Variants in GGA1 observed in about 807,000 individuals in gnomAD.
GGA1 encodes ADP-ribosylation factor-binding protein GGA1.
GGA1 carries 18 observed loss-of-function variants against 76.9 expected under a neutral mutation model. The ratio of observed to expected loss-of-function variants is 0.23; its 90% CI spans 0.16 to 0.35. The LOEUF is 0.35. GGA1 is among the 10% of genes least tolerant of loss of function. GGA1 has a pLI of 1.00. For synonymous variants in GGA1, 342 were observed against 354.7 expected, an observed-to-expected ratio of 0.96 and a Z score of 0.40; for missense variants, 755 against 859.0, an observed-to-expected ratio of 0.88 and a Z score of 1.51.
At chr22:37,617,799 T>C in intron 3 of GGA1, 1 of 962,736 alleles carries the variant, frequency 1.0e-6, no homozygotes, top group South Asian at 4.8e-5. Flanking sequence ...AAGGCCAAGG[T>C]AGGTGTTGCC....
At chr22:37,619,923 C>T (rs1230280456) in intron 4 of GGA1, 3 of 691,786 alleles carry the variant, frequency 4.3e-6, no homozygotes, top group Non-Finnish European at 5.3e-6. Flanking sequence ...TCTGGCTCCT[C>T]TTTCCTGGGA....
At chr22:37,629,002 C>T (rs772067456) in intron 11 of GGA1, among the ~76,000 whole-genome samples, 94 of 152,348 alleles carry the variant, frequency 6.2e-4, no homozygotes, top group Non-Finnish European at 1.1e-3. Flanking sequence ...TCCTCGTATT[C>T]TTGGGGACAC....
chr22:37,617,629 T>C, intron 3 of GGA1: 1 of 743,106 alleles, frequency 1.3e-6, no homozygotes, highest in Non-Finnish European at 1.6e-6. Flanking sequence ...AGGCAAGGAG[T>C]TCAAGGCTAC....
chr22:37,614,927 C>T (rs763143977), intron 2 of GGA1, among the ~76,000 whole-genome samples: 1 of 151,880 alleles, frequency 6.6e-6, no homozygotes, highest in Non-Finnish European at 1.5e-5. Context: ...TGTAATGAGC[C>T]GAGATTGCGC....
chr22:37,626,242 A>G, intron 11 of GGA1: 1 of 298,304 alleles, frequency 3.4e-6, no homozygotes, highest in Non-Finnish European at 6.2e-6. Flanking sequence ...ATTTCCCCGC[A>G]ACAGGTTAGA....
intron 4 of GGA1, among the ~76,000 whole-genome samples, chr22:37,619,055 C>G (rs1319873743): frequency 1.3e-5 from 2 of 152,104 alleles, no homozygotes; most frequent in South Asian, 2.1e-4. Context: ...TCCCACAGAC[C>G]ATGAACGTTT....
chr22:37,614,846 G>C (rs1044815523), intron 2 of GGA1, among the ~76,000 whole-genome samples: 1 of 152,206 alleles, frequency 6.6e-6, no homozygotes, highest in African/African-American at 2.4e-5. Flanking sequence ...GGGCGTGGTG[G>C]CACGTGCCTG....
chr22:37,617,671 A>T (rs1568976816), intron 3 of GGA1: 1 of 613,268 alleles, frequency 1.6e-6, no homozygotes, highest in Non-Finnish European at 2.0e-6. Context: ...TGTACTCCAG[A>T]CTGGACAACA....
At chr22:37,613,769 C>G (rs1928209028) in intron 1 of GGA1, among the ~76,000 whole-genome samples, 1 of 152,162 alleles carries the variant, frequency 6.6e-6, no homozygotes, top group Admixed American at 6.5e-5. Flanking sequence ...CTTCCCTTGG[C>G]CCACTTCCCG....
chr22:37,609,558 G>A (rs925836897), intron 1 of GGA1, among the ~76,000 whole-genome samples: 2 of 152,258 alleles, frequency 1.3e-5, no homozygotes, highest in Non-Finnish European at 2.9e-5. Flanking sequence ...CAGTCTCCAA[G>A]ATGCCTTTCC....
intron 2 of GGA1, 43 bp from the exon 3 acceptor site, chr22:37,616,879 G>A: frequency 3.9e-6 from 6 of 1,550,254 alleles, no homozygotes; most frequent in Non-Finnish European, 5.2e-6. Context: ...GGGTGACCGG[G>A]ACTCCGTGGC....
chr22:37,625,910 G>T lies in GGA1; in HGVS notation c.1054G>T (p.Ala352Ser). Residue 352 changes from alanine to serine, a missense_variant, in exon 11 of 17, where the codon GCC (alanine) becomes TCC (serine). Ala to Ser is a moderately conservative substitution (Grantham distance 99). Transcript: ENST00000343632. This position sits in a 1 kb window ranked among gnomAD's most constrained non-coding sequence, Gnocchi z 4.1. ...GCAGGCCAGCCCTGAGCAGCCCAGT[G>T]CCTCAGTTTCCCTGCTTGACGACGA... is the stretch of plus-strand genomic sequence containing the variant. The part of the protein sequence containing the change: ...GEQASPEQPS[A>S]SVSLLDDELM... The T allele has an allele frequency of 6.2e-7, 1 of 1,603,542 alleles. No homozygotes were observed.
At position 37,632,243 on chromosome 22, in the gene GGA1, T is replaced by C. The variant is rs1931953133; in HGVS notation, c.1698+78T>C. ...ATGGAGCTGGGTGGGGAGCCACCTG[T>C]CAGGGGGCAGGTCTCCCTCCCTTGC... On this transcript the variant is annotated intron_variant, in intron 15 of 16. Transcript: ENST00000343632. The surrounding 1 kb of genome is among the most constrained non-coding windows in gnomAD (Gnocchi z 5.1). The C allele has an allele frequency of 7.0e-7, 1 of 1,436,848 alleles. No homozygotes were observed. The highest frequency in any genetic ancestry group is 1.2e-5 in the South Asian group (1 of 81,788). 89.0% of individuals were successfully genotyped at this position (1,436,848 alleles called of 1,614,324 possible).
chr22:37,627,640 C>G (rs1228290170), intron 11 of GGA1, among the ~76,000 whole-genome samples: 1 of 152,220 alleles, frequency 6.6e-6, no homozygotes, highest in Non-Finnish European at 1.5e-5. Flanking sequence ...CAGCCAGCAG[C>G]TGCAGCACCA....
rs5756754 is a variant in GGA1 at position 37,632,244 on chromosome 22, C to G, written c.1698+79C>G. The G allele has an allele frequency of 3.5e-6, 5 of 1,432,686 alleles. No homozygotes were observed. The East Asian group carries it at 1.1e-4, about 33-fold the overall frequency. 88.7% of individuals were successfully genotyped at this position (1,432,686 alleles called of 1,614,324 possible). On this transcript the variant is annotated intron_variant, in intron 15 of 16. Coordinates refer to ENST00000343632, the MANE Select transcript of GGA1 (RefSeq NM_013365.5). This position sits in a 1 kb window ranked among gnomAD's most constrained non-coding sequence, Gnocchi z 5.1. ...TGGAGCTGGGTGGGGAGCCACCTGT[C>G]AGGGGGCAGGTCTCCCTCCCTTGCT...
At chr22:37,629,438 A>G in intron 11 of GGA1, 24 bp from the exon 12 acceptor site, 1 of 1,565,724 alleles carries the variant, frequency 6.4e-7, no homozygotes, top group South Asian at 1.1e-5. Flanking sequence ...CAGCTCCTTC[A>G]CCTCTCTCCT....
intron 11 of GGA1, among the ~76,000 whole-genome samples, chr22:37,627,764 C>T (rs1014790406): frequency 6.6e-6 from 1 of 152,222 alleles, no homozygotes; most frequent in Non-Finnish European, 1.5e-5. Context: ...CATGGGGGCA[C>T]AGGAGCCGGA....
chr22:37,625,942 G>A lies in GGA1; in HGVS notation c.1086G>A (p.Met362Ile), dbSNP rs1425433489. The A allele has an allele frequency of 3.1e-6, 5 of 1,592,762 alleles. No individual in the cohort carries two copies. The highest frequency in any genetic ancestry group is 4.3e-6 in the Non-Finnish European group (5 of 1,170,548). ...TTTCCCTGCTTGACGACGAGCTCAT[G>A]TCTCTGGGTGAGGAAGGGGCCAGGC... is the stretch of plus-strand genomic sequence containing the variant. ...ASVSLLDDEL[M>I]SLGLSDPTPP... The change falls in exon 11 of 17, where the codon ATG becomes ATA. Residue 362 changes from methionine to isoleucine, a missense_variant. Met to Ile is a conservative substitution (Grantham distance 10). Transcript: ENST00000343632. This position sits in a 1 kb window ranked among gnomAD's most constrained non-coding sequence, Gnocchi z 4.1.
Position 37,625,209 on chromosome 22 carries a change from GC to G in GGA1, c.940+137del. On this transcript the variant is annotated intron_variant, in intron 10 of 16. Coordinates refer to ENST00000343632, the MANE Select transcript of GGA1 (RefSeq NM_013365.5). This position sits in a 1 kb window ranked among gnomAD's most constrained non-coding sequence, Gnocchi z 4.1. ...ACCCTGGCCCCTTAAGATGGGGAAG[GC>G]CCCAGGGAGGGAGCTGGGGGTGAAG... 2.6e-6 allele frequency: 2 copies of G among 769,928 alleles called. No homozygotes were observed. Among genetic ancestry groups the G allele is most frequent in the Non-Finnish European group, 4.2e-6 (2 of 474,162 alleles). 47.7% of individuals were successfully genotyped at this position (769,928 alleles called of 1,614,324 possible). A position where few individuals can be genotyped will look rare whatever the true frequency, so the allele number is the denominator to read the frequency against.
Sources: gnomAD v4.1 joint callset for allele counts (sites outside exome capture counted in the v4.1 genomes callset) on GRCh38, gnomAD v4.1.1 for gene constraint, Gnocchi (gnomAD v3.1) non-coding constraint, MANE v1.5 for transcripts, NCBI Gene and HGNC (gene_info 2026-07-23, HGNC 2026-07-21) for gene names.